Variants in DENND4C observed in about 807,000 individuals in gnomAD.
The protein encoded by DENND4C is DENN domain containing 4C, also known as DENN domain-containing protein 4C.
Under a neutral mutation model 203.0 loss-of-function variants are expected in DENND4C, and 108 were observed. That is an observed-to-expected ratio of 0.53 (90% confidence interval 0.46 to 0.62). The LOEUF (loss-of-function observed/expected upper bound fraction) is 0.62, where lower values mean the gene tolerates loss of function less well. DENND4C is among the 20% of genes least tolerant of loss of function. The probability of loss-of-function intolerance (pLI) is 0.00; values close to 1 mark genes in which losing one functional copy is unlikely to be tolerated. For missense variants in DENND4C, 2,481 were observed against 2,301.2 expected (o/e 1.08, Z -1.60); for synonymous variants, 871 against 792.4 (o/e 1.10, Z -1.67).
intron 30 of DENND4C, among the ~76,000 whole-genome samples, chr9:19,367,680 C>G (rs1678016321): frequency 6.6e-6 from 1 of 152,174 alleles, no homozygotes; most frequent in African/African-American, 2.4e-5. Context: ...GCAGAGGTTG[C>G]AGTGAGCTGA....
intron 1 of DENND4C, among the ~76,000 whole-genome samples, chr9:19,265,699 C>T (rs1236595078): frequency 1.3e-5 from 2 of 152,112 alleles, no homozygotes; most frequent in Admixed American, 6.6e-5. Flanking sequence ...TGAGAACATG[C>T]GGTGTTTGGT....
chr9:19,259,422 G>A (rs1037940261), intron 1 of DENND4C, among the ~76,000 whole-genome samples: 1 of 151,202 alleles, frequency 6.6e-6, no homozygotes, highest in African/African-American at 2.4e-5. Flanking sequence ...TATCTATGTT[G>A]TTCTAAATGA....
intron 1 of DENND4C, among the ~76,000 whole-genome samples, chr9:19,260,693 G>A (rs1446577087): frequency 4.6e-5 from 7 of 152,074 alleles, no homozygotes; most frequent in Admixed American, 2.6e-4. Flanking sequence ...AACCATGCTC[G>A]GCCTATGTTC....
At chr9:19,242,474 G>A (rs957873812) in intron 1 of DENND4C, among the ~76,000 whole-genome samples, 2 of 152,170 alleles carry the variant, frequency 1.3e-5, no homozygotes, top group East Asian at 1.9e-4. Flanking sequence ...TGGTAGGCCT[G>A]TATTTAGCTT....
chr9:19,256,885 A>G lies in DENND4C; in HGVS notation c.-17-19273A>G, dbSNP rs910037457. On this transcript the variant is annotated intron_variant, in intron 1 of 32. Transcript: ENST00000434457. ...GGAGATCGAGACCATCCTGGCTAAC[A>G]TGGTGAAACCCTGTTGCTACTAAAA... 9.2e-5 allele frequency among the ~76,000 whole-genome samples: 14 copies of G among 152,046 alleles called. 2 individuals carry two copies. The South Asian group carries it at 1.7e-3, about 18-fold the overall frequency.
At chr9:19,321,174 T>C (rs1563801025) in intron 12 of DENND4C, among the ~76,000 whole-genome samples, 1 of 152,230 alleles carries the variant, frequency 6.6e-6, no homozygotes, top group Non-Finnish European at 1.5e-5. Flanking sequence ...TCTCCTTGGC[T>C]TCCATACAGA....
rs1828468731 is a variant in DENND4C at position 19,369,957 on chromosome 9, A to T, written c.5645A>T (p.Gln1882Leu). ...NVLKPINLLS[Q>L]QMKPGMKRQR... ...CTTAAACCCATCAACCTACTTTCAC[A>T]GCAAATGAAGCCAGGCATGAAAAGA... The change falls in exon 31 of 33, where the codon CAG becomes CTG. Residue 1882 changes from glutamine (Q) to leucine (L), a missense_variant. Coordinates refer to ENST00000434457, the MANE Select transcript of DENND4C (RefSeq NM_001330640.2). The T allele has an allele frequency of 3.1e-6, 5 of 1,613,894 alleles. No individual in the cohort carries two copies. The highest frequency in any genetic ancestry group is 4.2e-6 in the Non-Finnish European group (5 of 1,179,932).
chr9:19,237,167 C>T (rs1037760422), intron 1 of DENND4C, among the ~76,000 whole-genome samples: 15 of 151,092 alleles, frequency 9.9e-5, no homozygotes, highest in Non-Finnish European at 2.1e-4. Flanking sequence ...ATTACAGGCG[C>T]GCACCACCAC....
At chr9:19,301,773 CTAAAAA>C (rs1047941610) in intron 9 of DENND4C, among the ~76,000 whole-genome samples, 4 of 152,112 alleles carry the variant, frequency 2.6e-5, no homozygotes, top group African/African-American at 9.7e-5. Context: ...TCCATTTCTA[CTAAAAA>C]TACAAAAATT....
chr9:19,363,338 G>A (rs1463688807), intron 30 of DENND4C, among the ~76,000 whole-genome samples: 2 of 151,748 alleles, frequency 1.3e-5, no homozygotes, highest in Non-Finnish European at 2.9e-5. Context: ...AGATGGTCTT[G>A]GTCATCTCTA....
At chr9:19,287,644 G>A (rs1272396002) in intron 3 of DENND4C, among the ~76,000 whole-genome samples, 1 of 151,916 alleles carries the variant, frequency 6.6e-6, no homozygotes, top group Non-Finnish European at 1.5e-5. Context: ...ACCATGCCCG[G>A]CCTGTTTTTG....
At chr9:19,246,578 A>G (rs568030825) in intron 1 of DENND4C, among the ~76,000 whole-genome samples, 1 of 151,640 alleles carries the variant, frequency 6.6e-6, no homozygotes, top group South Asian at 2.1e-4. Context: ...TAAGTATTGC[A>G]CATAGTGTTT....
At chr9:19,259,502 T>A (rs950890079) in intron 1 of DENND4C, among the ~76,000 whole-genome samples, 56 of 143,844 alleles carry the variant, frequency 3.9e-4, no homozygotes, top group African/African-American at 1.4e-3. Context: ...TCTTTTCTTT[T>A]TTCTTTTTTT....
chr9:19,277,605 T>G (rs900221034), intron 2 of DENND4C, among the ~76,000 whole-genome samples: 1 of 152,066 alleles, frequency 6.6e-6, no homozygotes, highest in Non-Finnish European at 1.5e-5. Context: ...CATCTGCAAA[T>G]AGAAATAGTT....
rs34267952 is a variant in DENND4C at position 19,346,596 on chromosome 9, T to G, written c.3827T>G (p.Val1276Gly). Reference protein sequence around the residue: ...PDSEDKLFSPVIARNLADEIE... With the variant: ...PDSEDKLFSPGIARNLADEIE... ...TCTGAAGATAAGTTGTTTTCTCCAG[T>G]TATTGCACGTAATCTGGCTGATGAA... Residue 1276 changes from valine (V) to glycine (G), a missense_variant, in exon 23 of 33, where the codon GTT becomes GGT. Physicochemically the swap from Val to Gly is moderately radical, Grantham distance 109 (BLOSUM62 -3). Transcript: ENST00000434457. 1,673 of 1,614,194 alleles carry G rather than the reference T, an allele frequency of 1.0e-3. 1 individual carries two copies. Among genetic ancestry groups the G allele is most frequent in the African/African-American group, 4.6e-3 (344 of 75,064 alleles).
At chr9:19,260,133 C>T (rs545232957) in intron 1 of DENND4C, among the ~76,000 whole-genome samples, 4 of 152,080 alleles carry the variant, frequency 2.6e-5, no homozygotes, top group Non-Finnish European at 5.9e-5. Flanking sequence ...TTGTTATTGC[C>T]TGTCTTTTGG....
intron 30 of DENND4C, among the ~76,000 whole-genome samples, chr9:19,368,236 A>G (rs1211171904): frequency 1.3e-5 from 2 of 149,718 alleles, no homozygotes; most frequent in African/African-American, 4.9e-5. Context: ...ATTTCCTGTT[A>G]TCATAACAGA....
intron 10 of DENND4C, among the ~76,000 whole-genome samples, chr9:19,310,749 GCCT>G (rs1840579615): frequency 6.6e-6 from 1 of 151,978 alleles, no homozygotes; most frequent in South Asian, 2.1e-4. Context: ...TGTGAGATGT[GCCT>G]CCTACAACTT....
intron 15 of DENND4C, among the ~76,000 whole-genome samples, 185 bp downstream of exon 15, chr9:19,326,379 C>T (rs1400739731): frequency 1.3e-5 from 2 of 152,030 alleles, no homozygotes; most frequent in African/African-American, 4.8e-5. Flanking sequence ...ATGGTATTGT[C>T]AGATGTTGAT....
Sources: allele counts gnomAD v4.1 joint callset (sites outside exome capture counted in the v4.1 genomes callset), GRCh38; gene constraint gnomAD v4.1.1; transcripts MANE v1.5; gene names NCBI Gene and HGNC (gene_info 2026-07-23, HGNC 2026-07-21).